The following ZDHHC6 variants were observed in gnomAD, a reference collection of about 807,000 sequenced individuals.
ZDHHC6 encodes the protein zDHHC palmitoyltransferase 6, also known as palmitoyltransferase ZDHHC6.
In ZDHHC6, 32 loss-of-function variants were observed where a neutral mutation model predicts 57.8. The ratio of observed to expected loss-of-function variants is 0.55; its 90% CI spans 0.42 to 0.74. The LOEUF (loss-of-function observed/expected upper bound fraction) is 0.74. ZDHHC6 is among the 30% of genes least tolerant of loss of function. The pLI is 0.00. For missense variants in ZDHHC6, 433 were observed against 500.7 expected (o/e 0.86, Z 1.29); for synonymous variants, 128 against 158.0 (o/e 0.81, Z 1.42).
At chr10:112,445,031 G>A in intron 2 of ZDHHC6, 139 bp downstream of exon 2, 3 of 977,922 alleles carry the variant, frequency 3.1e-6, no homozygotes, top group South Asian at 1.9e-5. Context: ...GAGCCTAAAT[G>A]ATCAGTGATT....
Position 112,430,526 on chromosome 10 carries a change from A to C in ZDHHC6, c.*278T>G. 1 of 299,920 alleles carries C rather than the reference A, an allele frequency of 3.3e-6. No individual in the cohort carries two copies. Among genetic ancestry groups the C allele is most frequent in the Non-Finnish European group, 6.3e-6 (1 of 159,668 alleles). The allele number at this position is 299,920 out of a possible 1,614,324, so 18.6% of individuals were successfully genotyped here. ...TGAGGTCCAGAGTGTGCAGTGCATA[A>C]GAAAATCCTACAGAAAATGCCGTTA... On this transcript the variant is annotated 3_prime_UTR_variant, in exon 11 of 11. Transcript: ENST00000369405.
At chr10:112,439,166 G>C (rs1174156442) in intron 5 of ZDHHC6, among the ~76,000 whole-genome samples, 1 of 151,902 alleles carries the variant, frequency 6.6e-6, no homozygotes, top group Non-Finnish European at 1.5e-5. Context: ...TCCAGCCTGG[G>C]CCAACAGAGC....
intron 2 of ZDHHC6, 51 bp from the exon 3 acceptor site, chr10:112,443,657 G>T: frequency 7.0e-7 from 1 of 1,423,964 alleles, no homozygotes; most frequent in Non-Finnish European, 9.9e-7. Flanking sequence ...TTGAATATAA[G>T]TATGATTCCT....
chr10:112,427,323 C>G (rs765330033), downstream of ZDHHC6: 8 of 1,613,438 alleles, frequency 5.0e-6, no homozygotes, highest in Non-Finnish European at 8.5e-7. Flanking sequence ...CTTTCGGACC[C>G]AAATTGACAG....
At chr10:112,447,284 G>T (rs1299624143), upstream of ZDHHC6, 24 of 1,422,470 alleles carry the variant, frequency 1.7e-5, no homozygotes, top group Non-Finnish European at 2.2e-5. Flanking sequence ...GGCACCTTCC[G>T]GGGTTCCTAA....
exon 12 of ZDHHC6, chr10:112,425,284 C>A (rs899659917): frequency 1.4e-5 from 21 of 1,504,486 alleles, no homozygotes; most frequent in Non-Finnish European, 1.7e-5. Context: ...ACTCTCCCCA[C>A]TGATATCATC....
chr10:112,432,661 T>G, intron 8 of ZDHHC6, 140 bp from the exon 9 acceptor site: 2 of 1,002,330 alleles, frequency 2.0e-6, no homozygotes, highest in Non-Finnish European at 1.4e-6. Context: ...AACCTCCCAG[T>G]TCCCCATCCA....
At chr10:112,430,984 A>G (rs1844968164) in intron 10 of ZDHHC6, 77 bp from the exon 11 acceptor site, 1 of 1,186,458 alleles carries the variant, frequency 8.4e-7, no homozygotes, top group African/African-American at 1.5e-5. Context: ...AAGTCCTATT[A>G]CTTCAAATTA....
rs950157476 is a variant in ZDHHC6, at chr10:112,434,152, G to T, written c.903+145C>A. 8.1e-6 allele frequency: 6 copies of T among 738,264 alleles called. No individual in the cohort carries two copies. The South Asian group carries it at 8.2e-5, about 10-fold the overall frequency. The allele number at this position is 738,264 out of a possible 1,614,324, so 45.7% of individuals were successfully genotyped here. ...TAAAGGGAGATACATGATACAAGGAGTGCTTTAGAATTATTAGATTCATTT... is the reference window on the plus strand; with the variant it reads ...TAAAGGGAGATACATGATACAAGGATTGCTTTAGAATTATTAGATTCATTT... On this transcript the variant is annotated intron_variant, in intron 7 of 10. Coordinates refer to ENST00000369405, the MANE Select transcript of ZDHHC6 (RefSeq NM_022494.3).
chr10:112,428,238 C>A, downstream of ZDHHC6: 1 of 382,310 alleles, frequency 2.6e-6, no homozygotes, highest in Non-Finnish European at 4.6e-6. Context: ...GATGCCCACA[C>A]AACAGGCTTA....
chr10:112,439,240 G>A (rs2133865094), intron 5 of ZDHHC6, among the ~76,000 whole-genome samples: 1 of 152,262 alleles, frequency 6.6e-6, no homozygotes, highest in East Asian at 1.9e-4. Flanking sequence ...CCTTGGCCCA[G>A]GAGTCCTCAT....
chr10:112,428,957 A>T (rs1326546053), downstream of ZDHHC6, among the ~76,000 whole-genome samples: 2 of 152,246 alleles, frequency 1.3e-5, no homozygotes, highest in Non-Finnish European at 2.9e-5. Flanking sequence ...CTTATCCCAT[A>T]GCTGTAAAGA....
chr10:112,430,764 A>G lies in ZDHHC6; in HGVS notation c.*40T>C. On this transcript the variant is annotated 3_prime_UTR_variant, in exon 11 of 11. Coordinates refer to ENST00000369405, the MANE Select transcript of ZDHHC6 (RefSeq NM_022494.3). ...TTAGTAATATGTACAATTTTCAAGT[A>G]ATTAAGCAGACTTAAAGGATAATTT... is the stretch of plus-strand genomic sequence containing the variant. 1 of 1,555,900 alleles carries G rather than the reference A, an allele frequency of 6.4e-7. No homozygotes were observed.
upstream of ZDHHC6, chr10:112,447,488 G>A: frequency 2.5e-6 from 4 of 1,611,554 alleles, no homozygotes; most frequent in Non-Finnish European, 3.4e-6. Flanking sequence ...TGCCCGGCTG[G>A]ACGAGGGTGC....
Position 112,442,274 on chromosome 10 carries a change from A to T in ZDHHC6, c.437T>A (p.Leu146Gln). The T allele has an allele frequency of 6.2e-7, 1 of 1,614,100 alleles. No individual in the cohort carries two copies. The highest frequency in any genetic ancestry group is 8.5e-7 in the Non-Finnish European group (1 of 1,179,976). Residue 146 changes from leucine (L) to glutamine (Q), a missense_variant, in exon 4 of 11, where the codon CTG (leucine) becomes CAG (glutamine). Physicochemically the swap from Leu to Gln is moderately radical, Grantham distance 113 (BLOSUM62 -2). Coordinates refer to ENST00000369405, the MANE Select transcript of ZDHHC6 (RefSeq NM_022494.3). ...ACCCAGTGGTGCTAAAAGGAGAAAC[A>T]GTGTGAACGAAGCATGATTTTGGTA... ...CGYQNHASFT[L>Q]FLLLAPLGCI...
intron 10 of ZDHHC6, 53 bp downstream of exon 10, chr10:112,432,187 T>C: frequency 6.5e-7 from 1 of 1,532,794 alleles, no homozygotes; most frequent in African/African-American, 1.4e-5. Flanking sequence ...TTGTAAAATT[T>C]GGAATTATTG....
Position 112,445,593 on chromosome 10 carries a change from G to T in ZDHHC6, c.-157C>A. 1 of 834,904 alleles carries T rather than the reference G, an allele frequency of 1.2e-6. No homozygotes were observed. Among genetic ancestry groups the T allele is most frequent in the South Asian group, 2.0e-5 (1 of 50,390 alleles). 51.7% of individuals were successfully genotyped at this position (834,904 alleles called of 1,614,324 possible). A position where few individuals can be genotyped will look rare whatever the true frequency, so the allele number is the denominator to read the frequency against. ...CAGATTACACCATTTTCACTGTCAG[G>T]CACCCAAAGCTCTTTATCTTAACTA... On this transcript the variant is annotated 5_prime_UTR_variant, in exon 2 of 11. An upstream open reading frame in the 5' UTR gains an earlier in-frame stop. Coordinates refer to ENST00000369405, the MANE Select transcript of ZDHHC6 (RefSeq NM_022494.3).
intron 2 of ZDHHC6, among the ~76,000 whole-genome samples, chr10:112,443,990 AC>A (rs978738704): frequency 2.6e-5 from 4 of 152,108 alleles, no homozygotes; most frequent in African/African-American, 9.7e-5. Flanking sequence ...CCTTGACATT[AC>A]CCGTCACCAC....
chr10:112,427,115 C>T (rs933271066), downstream of ZDHHC6: 1 of 1,237,982 alleles, frequency 8.1e-7, no homozygotes. Flanking sequence ...TACCTTTACC[C>T]TTTCACTGCA....
Sources: gnomAD v4.1 joint callset for allele counts (sites outside exome capture counted in the v4.1 genomes callset) on GRCh38, gnomAD v4.1.1 for gene constraint, MANE v1.5 for transcripts, NCBI Gene and HGNC (gene_info 2026-07-23, HGNC 2026-07-21) for gene names.